PCDH17: variants seen among roughly 807,000 people sequenced by gnomAD.
PCDH17 encodes the protein protocadherin 17, also known as protocadherin-17.
A neutral mutation model predicts 67.7 loss-of-function variants in PCDH17; 21 were observed. The observed-to-expected ratio is 0.31, with a 90% confidence interval of 0.22 to 0.45. The LOEUF (loss-of-function observed/expected upper bound fraction) is 0.45, where lower values mean the gene tolerates loss of function less well. PCDH17 is among the 20% of genes least tolerant of loss of function. PCDH17 has a pLI of 1.00. For synonymous variants in PCDH17, 701 were observed against 656.7 expected, an observed-to-expected ratio of 1.07 and a Z score of -1.03; for missense variants, 1,471 against 1,564.8, an observed-to-expected ratio of 0.94 and a Z score of 1.01.
intron 3 of PCDH17, among the ~76,000 whole-genome samples, chr13:57,679,840 C>T (rs1955431695): frequency 6.6e-6 from 1 of 151,410 alleles, no homozygotes; most frequent in Admixed American, 6.6e-5. Flanking sequence ...ATGATGTATG[C>T]AAGCATTACT....
intron 3 of PCDH17, among the ~76,000 whole-genome samples, chr13:57,680,578 T>C (rs1359099051): frequency 6.6e-6 from 1 of 151,516 alleles, no homozygotes; most frequent in Non-Finnish European, 1.5e-5. Flanking sequence ...TGCTTTAGAA[T>C]GATTTTTTTT....
intron 3 of PCDH17, among the ~76,000 whole-genome samples, chr13:57,723,826 T>C (rs1275569080): frequency 2.6e-5 from 4 of 152,178 alleles, no homozygotes; most frequent in African/African-American, 9.6e-5. Context: ...AGAGTCTCTA[T>C]TGGCAAAGGA....
In PCDH17 at chr13:57,636,394, A is replaced by G. The variant is rs529309794; in HGVS notation, c.2565+1283A>G. ...TGACACTGGACTCAATAATGTTTTT[A>G]TTGTTAAAATGGAGCAGTAATATTT... is the stretch of plus-strand genomic sequence containing the variant. On this transcript the variant is annotated intron_variant, in intron 1 of 3. Coordinates refer to ENST00000377918, the MANE Select transcript of PCDH17 (RefSeq NM_001040429.3). Among the ~76,000 whole-genome samples the G allele has an allele frequency of 3.9e-5, 6 of 152,294 alleles. No individual in the cohort carries two copies. The South Asian group carries it at 1.0e-3, about 26-fold the overall frequency.
In PCDH17 at chr13:57,634,475, C is replaced by G. The variant is rs566902868; in HGVS notation, c.1929C>G (p.Gly643=). 14 of 1,612,858 alleles carry G rather than the reference C, an allele frequency of 8.7e-6. No homozygotes were observed. The East Asian group carries it at 3.1e-4, about 36-fold the overall frequency. ...TGTTTGAGATCGACCCGTCCAGCGG[C>G]GAGATCCGCACGCTGCACCCTTTCT... ...DHLFEIDPSS[G]EIRTLHPFWE... is the part of the protein sequence containing the mutation. Residue 643 remains glycine, a synonymous_variant, in exon 1 of 4, where the codon GGC becomes GGG. Transcript: ENST00000377918. This position sits in a 1 kb window ranked among gnomAD's most constrained non-coding sequence, Gnocchi z 7.8.
rs1278988304 is a variant in PCDH17 at position 57,728,227 on chromosome 13, A to G, written c.*2933A>G. On this transcript the variant is annotated 3_prime_UTR_variant, in exon 4 of 4. Transcript: ENST00000377918. Reference sequence around the variant, plus strand: ...TGGTGCTTGGCTTTCAAGGAAGCCTATGAGATGCCAAAATCACACCTTTAG... The same window carrying G: ...TGGTGCTTGGCTTTCAAGGAAGCCTGTGAGATGCCAAAATCACACCTTTAG... 2 of 152,586 alleles carry G rather than the reference A, an allele frequency of 1.3e-5. No individual in the cohort carries two copies. The highest frequency in any genetic ancestry group is 2.1e-4 in the South Asian group (1 of 4,836). The allele number at this position is 152,586 out of a possible 1,614,324, so 9.5% of individuals were successfully genotyped here.
rs201545783 is a variant in PCDH17 at position 57,633,469 on chromosome 13, A to T, written c.923A>T (p.Asn308Ile). 6.2e-7 allele frequency: 1 copy of T among 1,613,672 alleles called. No individual in the cohort carries two copies. Among genetic ancestry groups the T allele is most frequent in the African/African-American group, 1.3e-5 (1 of 74,922 alleles). ...ACCGGCCTAATCCGTGTGAAGGGCA[A>T]TCTGGACTATGAGGAAAACGGGATG... ...PKTGLIRVKG[N>I]LDYEENGMLE... Residue 308 changes from asparagine (N) to isoleucine (I), a missense_variant, in exon 1 of 4, where the codon AAT (asparagine) becomes ATT (isoleucine). Asn to Ile is a moderately radical substitution (Grantham distance 149). This residue lies in a region of PCDH17 where 1,163 missense variants were observed against 1,230.0 expected (regional missense o/e 0.95). Transcript: ENST00000377918. The surrounding 1 kb of genome is among the most constrained non-coding windows in gnomAD (Gnocchi z 6.2).
intron 3 of PCDH17, among the ~76,000 whole-genome samples, chr13:57,719,447 T>C (rs1387226528): frequency 6.6e-6 from 1 of 152,038 alleles, no homozygotes; most frequent in Non-Finnish European, 1.5e-5. Flanking sequence ...TATCTCATCA[T>C]TATAGAAAAG....
intron 3 of PCDH17, among the ~76,000 whole-genome samples, chr13:57,717,447 T>G (rs539717916): frequency 4.6e-5 from 7 of 152,110 alleles, no homozygotes; most frequent in Admixed American, 2.0e-4. Flanking sequence ...GCCAGAAAAT[T>G]CCACTCCGGT....
At chr13:57,647,437 A>G (rs1954978431) in intron 1 of PCDH17, among the ~76,000 whole-genome samples, 1 of 151,900 alleles carries the variant, frequency 6.6e-6, no homozygotes, top group East Asian at 1.9e-4. Context: ...AGTACCTTGT[A>G]TATTTACATC....
In PCDH17 at chr13:57,633,878, G is replaced by C; in HGVS notation, c.1332G>C (p.Ala444=). The C allele has an allele frequency of 6.2e-7, 1 of 1,613,130 alleles. No homozygotes were observed. Among genetic ancestry groups the C allele is most frequent in the Middle Eastern group, 1.6e-4 (1 of 6,062 alleles). ...TQDEYNVTIV[A]RDGGSPPLNS... is the part of the protein sequence containing the mutation. ...ACGAGTACAACGTGACCATCGTGGCGCGGGACGGGGGCTCTCCTCCCCTCA... is the reference window on the plus strand; with the variant it reads ...ACGAGTACAACGTGACCATCGTGGCCCGGGACGGGGGCTCTCCTCCCCTCA... The change falls in exon 1 of 4, where the codon GCG becomes GCC. Residue 444 remains alanine, a synonymous_variant. Coordinates refer to ENST00000377918, the MANE Select transcript of PCDH17 (RefSeq NM_001040429.3). The surrounding 1 kb of genome is among the most constrained non-coding windows in gnomAD (Gnocchi z 6.2).
rs374268308 is a variant in PCDH17, at chr13:57,666,533, CCTATTAAATAA to C, written c.2624+10_2624+20del. Reference sequence around the variant, plus strand: ...GGCAGCAGTTTGTTCAAAGGTAAGGCCTATTAAATAACTTTTCTCAGCTTCCCCATTTGCAT... The same window carrying C: ...GGCAGCAGTTTGTTCAAAGGTAAGGCCTTTTCTCAGCTTCCCCATTTGCAT... On this transcript the variant is annotated splice_region_variant and intron_variant, in intron 2 of 3. Coordinates refer to ENST00000377918, the MANE Select transcript of PCDH17 (RefSeq NM_001040429.3). 1.2e-6 allele frequency: 2 copies of C among 1,613,252 alleles called. No homozygotes were observed. The highest frequency in any genetic ancestry group is 2.2e-5 in the East Asian group (1 of 44,864).
chr13:57,703,769 T>A (rs1366621077), intron 3 of PCDH17, among the ~76,000 whole-genome samples: 1 of 152,154 alleles, frequency 6.6e-6, no homozygotes, highest in Non-Finnish European at 1.5e-5. Flanking sequence ...AGCCACCCTA[T>A]GAGTTTAGCA....
intron 3 of PCDH17, among the ~76,000 whole-genome samples, chr13:57,718,758 G>A (rs1955846460): frequency 2.6e-5 from 4 of 151,844 alleles, no homozygotes; most frequent in Admixed American, 1.3e-4. Context: ...TAGCATTGAT[G>A]TTTTCTCTAT....
chr13:57,692,722 C>A (rs1955570280), intron 3 of PCDH17, among the ~76,000 whole-genome samples: 1 of 150,634 alleles, frequency 6.6e-6, no homozygotes, highest in African/African-American at 2.4e-5. Context: ...TTTTAGTCAC[C>A]CTTTCAAGCC....
chr13:57,685,341 T>C (rs947383422), intron 3 of PCDH17, among the ~76,000 whole-genome samples: 4 of 151,966 alleles, frequency 2.6e-5, no homozygotes, highest in Non-Finnish European at 5.9e-5. Flanking sequence ...GCATTACTGA[T>C]TCTTCAAAAT....
At chr13:57,719,505 A>G (rs1052268768) in intron 3 of PCDH17, among the ~76,000 whole-genome samples, 2 of 152,084 alleles carry the variant, frequency 1.3e-5, no homozygotes, top group African/African-American at 2.4e-5. Context: ...CCTGTGCTGC[A>G]AACTATATGT....
chr13:57,724,924 G>C lies in PCDH17; in HGVS notation c.3110G>C (p.Ser1037Thr). The C allele has an allele frequency of 6.2e-7, 1 of 1,614,100 alleles. No individual in the cohort carries two copies. Among genetic ancestry groups the C allele is most frequent in the South Asian group, 1.1e-5 (1 of 91,080 alleles). Residue 1037 changes from serine to threonine, a missense_variant, in exon 4 of 4, where the codon AGC becomes ACC. Transcript: ENST00000377918. ...PLLQEVPSAS[S>T]SPTKACIEPC... ...CTCCAAGAGGTCCCCTCAGCATCAA[G>C]CAGCCCAACCAAGGCGTGCATCGAG... is the stretch of plus-strand genomic sequence containing the variant.
At chr13:57,714,144 T>C (rs751374537) in intron 3 of PCDH17, among the ~76,000 whole-genome samples, 1 of 151,740 alleles carries the variant, frequency 6.6e-6, no homozygotes, top group Non-Finnish European at 1.5e-5. Context: ...GATTGCTAAA[T>C]AATAAGCCAG....
At chr13:57,676,889 G>A (rs1212280977) in intron 3 of PCDH17, among the ~76,000 whole-genome samples, 1 of 151,766 alleles carries the variant, frequency 6.6e-6, no homozygotes, top group Non-Finnish European at 1.5e-5. Context: ...TCACAAACTA[G>A]TCCTGAGGGC....
Sources: allele counts gnomAD v4.1 joint callset (sites outside exome capture counted in the v4.1 genomes callset), GRCh38; gene constraint gnomAD v4.1.1; regional missense constraint gnomAD v4.1.1; non-coding constraint Gnocchi (gnomAD v3.1); transcripts MANE v1.5; gene names NCBI Gene and HGNC (gene_info 2026-07-23, HGNC 2026-07-21).